The following SBF2 variants were observed in gnomAD, a reference collection of about 807,000 sequenced individuals.
The protein encoded by SBF2 is myotubularin-related protein 13.
In SBF2, 112 loss-of-function variants were observed where a neutral mutation model predicts 225.2. That is an observed-to-expected ratio of 0.50 (90% CI 0.43 to 0.58). SBF2 has a LOEUF of 0.58. SBF2 is among the 20% of genes least tolerant of loss of function. The probability of loss-of-function intolerance (pLI) is 0.00; values close to 1 mark genes in which losing one functional copy is unlikely to be tolerated. For synonymous variants in SBF2, 763 were observed against 773.3 expected, an observed-to-expected ratio of 0.99 and a Z score of 0.22; for missense variants, 1,996 against 2,206.2, an observed-to-expected ratio of 0.90 and a Z score of 1.91.
At chr11:10,154,011 T>C (rs1955348935) in intron 2 of SBF2, among the ~76,000 whole-genome samples, 1 of 152,104 alleles carries the variant, frequency 6.6e-6, no homozygotes, top group Admixed American at 6.5e-5. Context: ...TCTATTTAGT[T>C]CTATTGATTA....
chr11:10,254,476 A>C (rs1960671210), intron 1 of SBF2, among the ~76,000 whole-genome samples: 1 of 152,174 alleles, frequency 6.6e-6, no homozygotes, highest in Admixed American at 6.5e-5. Context: ...TCAAAGCGAT[A>C]TATGTGCTCA....
chr11:10,005,985 T>C (rs187078121), intron 6 of SBF2, among the ~76,000 whole-genome samples: 1 of 152,220 alleles, frequency 6.6e-6, no homozygotes, highest in Admixed American at 6.5e-5. Context: ...TGAGACACAA[T>C]GGCTCTCCTA....
At chr11:9,955,075 C>T (rs895236477) in intron 16 of SBF2, among the ~76,000 whole-genome samples, 4 of 151,860 alleles carry the variant, frequency 2.6e-5, no homozygotes, top group African/African-American at 9.7e-5. Context: ...TCATAGGATG[C>T]TAAAATTTCC....
At chr11:9,985,527 T>G (rs1947162375) in intron 13 of SBF2, among the ~76,000 whole-genome samples, 1 of 152,144 alleles carries the variant, frequency 6.6e-6, no homozygotes, top group Admixed American at 6.6e-5. Flanking sequence ...TTCACCATGT[T>G]GGCAAGGCTG....
chr11:9,888,626 C>T (rs1428982424), intron 17 of SBF2, among the ~76,000 whole-genome samples: 2 of 151,950 alleles, frequency 1.3e-5, no homozygotes, highest in Admixed American at 6.6e-5. Context: ...ATGAAGTATC[C>T]TTGCTGGTTA....
At chr11:9,780,874 AG>A (rs1419856565) in intron 39 of SBF2, 1 of 338,322 alleles carries the variant, frequency 3.0e-6, no homozygotes, top group Non-Finnish European at 5.7e-6. Context: ...CTTGTGCTCC[AG>A]GGGGATGCCT....
At chr11:10,256,711 C>T (rs1960895765) in intron 1 of SBF2, among the ~76,000 whole-genome samples, 1 of 152,154 alleles carries the variant, frequency 6.6e-6, no homozygotes, top group Middle Eastern at 3.2e-3. Flanking sequence ...ACTGTCACCC[C>T]TATACACAAT....
chr11:9,853,239 AG>A (rs1448257541), intron 20 of SBF2, among the ~76,000 whole-genome samples: 1 of 152,224 alleles, frequency 6.6e-6, no homozygotes, highest in Non-Finnish European at 1.5e-5. Flanking sequence ...AGAAGTTACC[AG>A]GGGAAACAGG....
chr11:10,155,822 C>G (rs919398624), intron 2 of SBF2, among the ~76,000 whole-genome samples: 1 of 152,194 alleles, frequency 6.6e-6, no homozygotes, highest in Non-Finnish European at 1.5e-5. Flanking sequence ...TTCAAGGATA[C>G]AACTTATCAA....
chr11:9,900,044 T>TAAAAAAA (rs1347991488), intron 16 of SBF2, among the ~76,000 whole-genome samples: 7,909 of 140,374 alleles, frequency 0.056, 274 homozygotes, highest in Non-Finnish European at 0.078. Context: ...TTTTTTTTTT[T>TAAAAAAA]AAAAAAAAAA....
intron 2 of SBF2, among the ~76,000 whole-genome samples, chr11:10,069,500 T>C (rs949280776): frequency 1.3e-5 from 2 of 152,194 alleles, no homozygotes; most frequent in African/African-American, 2.4e-5. Context: ...CATCCTTTTT[T>C]ATGGCTGCAT....
intron 2 of SBF2, among the ~76,000 whole-genome samples, chr11:10,167,651 T>C (rs538988083): frequency 6.6e-6 from 1 of 150,830 alleles, no homozygotes; most frequent in Non-Finnish European, 1.5e-5. Context: ...CTAAAAGCTA[T>C]TTTACCTAGA....
rs139437755 is a variant in SBF2, at chr11:9,845,576, G to A, written c.3099C>T (p.Asn1033=). The A allele has an allele frequency of 1.2e-6, 2 of 1,613,492 alleles. No homozygotes were observed. The highest frequency in any genetic ancestry group is 1.7e-6 in the Non-Finnish European group (2 of 1,179,450). ...QIILPKQKEK[N]TSFRTFSKTI... ...GTCTTTCTTCTTACCGAAAAGAAGT[G>A]TTCTTTTCCTTCTGTTTTGGTAAAA... Residue 1033 remains asparagine, a synonymous_variant, in exon 24 of 40, where the codon AAC becomes AAT. Coordinates refer to ENST00000256190, the MANE Select transcript of SBF2 (RefSeq NM_030962.4).
intron 32 of SBF2, among the ~76,000 whole-genome samples, chr11:9,801,725 A>G (rs552120162): frequency 2.0e-5 from 3 of 152,336 alleles, no homozygotes; most frequent in African/African-American, 7.2e-5. Context: ...AACAGATTGG[A>G]TTATGTTCAT....
intron 6 of SBF2, among the ~76,000 whole-genome samples, chr11:10,004,599 A>T (rs1948114674): frequency 6.7e-6 from 1 of 149,378 alleles, no homozygotes; most frequent in African/African-American, 2.4e-5. Flanking sequence ...AAAAAAACAA[A>T]CTACATACCT....
intron 1 of SBF2, among the ~76,000 whole-genome samples, chr11:10,260,401 T>C (rs913043158): frequency 1.3e-5 from 2 of 149,604 alleles, no homozygotes; most frequent in African/African-American, 4.9e-5. Context: ...CTGGGCAACA[T>C]AGTAAGACCC....
rs1368066503 is a variant in SBF2 at position 10,068,119 on chromosome 11, T to C, written c.142-25138A>G. On this transcript the variant is annotated intron_variant, in intron 2 of 39. Transcript: ENST00000256190. The stretch of plus-strand genomic sequence containing the variant: ...AGGCAGCAGAAATTCTCCCTGCAAA[T>C]TGGATTACCTGATCTATTGCTGCTT... 2.6e-5 allele frequency among the ~76,000 whole-genome samples: 4 copies of C among 152,334 alleles called. No individual in the cohort carries two copies. In the South Asian group the frequency reaches 8.3e-4, roughly 32 times the overall value.
chr11:10,218,328 CCCCA>C (rs869081250), intron 1 of SBF2, among the ~76,000 whole-genome samples: 7,806 of 116,912 alleles, frequency 0.067, 282 homozygotes, highest in Non-Finnish European at 0.083. Flanking sequence ...CCACCCCCCC[CCCCA>C]CCCAATGATT....
At chr11:10,200,512 T>G (rs1957532714) in intron 1 of SBF2, among the ~76,000 whole-genome samples, 1 of 152,222 alleles carries the variant, frequency 6.6e-6, no homozygotes, top group African/African-American at 2.4e-5. Flanking sequence ...CTGGAGTTAC[T>G]TTTGAATGAA....
Sources: gnomAD v4.1 joint callset for allele counts (sites outside exome capture counted in the v4.1 genomes callset) on GRCh38, gnomAD v4.1.1 for gene constraint, MANE v1.5 for transcripts, NCBI Gene and HGNC (gene_info 2026-07-23, HGNC 2026-07-21) for gene names.